Variants in ADGB observed in about 807,000 individuals in gnomAD.
ADGB encodes the protein androglobin, also known as calpain-7-like protein.
ADGB carries 172 observed loss-of-function variants against 210.5 expected under a neutral mutation model. That is an observed-to-expected ratio of 0.82 (90% CI 0.72 to 0.93). ADGB has a LOEUF of 0.93. Ranked by LOEUF, ADGB falls within the 40% of genes least tolerant of loss-of-function variation. The pLI is 0.00. For synonymous variants in ADGB, 658 were observed against 662.7 expected (o/e 0.99, Z 0.11); for missense variants, 2,025 against 1,964.8 (o/e 1.03, Z -0.58).
chr6:146,676,173 G>A, intron 8 of ADGB, 140 bp from the exon 9 acceptor site: 2 of 739,256 alleles, frequency 2.7e-6, no homozygotes, highest in South Asian at 3.0e-5. Flanking sequence ...AGGGGATCAT[G>A]TTTTGGAGAA....
chr6:146,614,214 T>C (rs1780755257), intron 1 of ADGB, among the ~76,000 whole-genome samples: 1 of 31,214 alleles, frequency 3.2e-5, no homozygotes, highest in African/African-American at 7.8e-5. Flanking sequence ...CCTCCCTTCC[T>C]TCCTCCCTTC....
chr6:146,653,364 G>A (rs112704745), intron 3 of ADGB, among the ~76,000 whole-genome samples: 2,174 of 152,152 alleles, frequency 0.014, 45 homozygotes, highest in African/African-American at 0.048. Context: ...TCCTTGGTTC[G>A]TGGAAAAATT....
At chr6:146,811,351 G>A (rs1778299685) in intron 35 of ADGB, among the ~76,000 whole-genome samples, 1 of 151,958 alleles carries the variant, frequency 6.6e-6, no homozygotes, top group Admixed American at 6.6e-5. Context: ...TTTAATTGCT[G>A]TGTAACATTC....
At chr6:146,750,599 GA>G (rs1777306271) in intron 26 of ADGB, among the ~76,000 whole-genome samples, 1 of 152,044 alleles carries the variant, frequency 6.6e-6, no homozygotes, top group Non-Finnish European at 1.5e-5. Context: ...ATATATGAGA[GA>G]CATGATACTC....
Position 146,740,842 on chromosome 6 carries a change from TA to T in ADGB, c.3023+251del, listed in dbSNP as rs551045718. On this transcript the variant is annotated intron_variant, in intron 24 of 35. Coordinates refer to ENST00000397944, the MANE Select transcript of ADGB (RefSeq NM_024694.4). ...TCATGATAAAAATACTATAACAAAT[TA>T]ATATGCTTTTAGTATAGAAAAAGAT... 1.1e-4 allele frequency among the ~76,000 whole-genome samples: 17 copies of T among 152,250 alleles called. No homozygotes were observed. In the South Asian group the frequency reaches 3.5e-3, roughly 32 times the overall value.
chr6:146,644,801 T>C lies in ADGB; in HGVS notation c.266T>C (p.Ile89Thr), dbSNP rs1165603824. Residue 89 changes from isoleucine to threonine, a missense_variant, in exon 3 of 36, where the codon ATT (isoleucine) becomes ACT (threonine). Transcript: ENST00000397944. ...FHFFEDPEGK[I>T]ELPPSLKIYS... ...TTTTTTGAGGACCCTGAAGGAAAGA[T>C]TGAGTTACCACCATCCTTGAAAATT... 6.7e-7 allele frequency: 1 copy of C among 1,488,562 alleles called. No individual in the cohort carries two copies. Among genetic ancestry groups the C allele is most frequent in the Non-Finnish European group, 8.9e-7 (1 of 1,118,158 alleles). The allele number at this position is 1,488,562 out of a possible 1,614,324, so 92.2% of individuals were successfully genotyped here.
At chr6:146,761,406 T>C (rs1240365589) in intron 27 of ADGB, among the ~76,000 whole-genome samples, 1 of 152,074 alleles carries the variant, frequency 6.6e-6, no homozygotes, top group African/African-American at 2.4e-5. Flanking sequence ...ACCATGTGTG[T>C]ATAGGTCTAC....
intron 35 of ADGB, among the ~76,000 whole-genome samples, chr6:146,813,211 T>C (rs1193371299): frequency 1.3e-5 from 2 of 152,218 alleles, no homozygotes; most frequent in Non-Finnish European, 2.9e-5. Flanking sequence ...TCCGTGACCC[T>C]TTGGTCTCAA....
intron 8 of ADGB, among the ~76,000 whole-genome samples, chr6:146,674,552 G>T (rs553462192): frequency 1.3e-5 from 2 of 152,198 alleles, no homozygotes; most frequent in South Asian, 4.2e-4. Flanking sequence ...TGGGTAAACG[G>T]GTTTGGTAGG....
chr6:146,746,174 T>C, intron 26 of ADGB, 65 bp downstream of exon 26: 1 of 1,187,738 alleles, frequency 8.4e-7, no homozygotes, highest in South Asian at 1.7e-5. Flanking sequence ...AGGATAAAAA[T>C]AAATTCTGCA....
intron 27 of ADGB, among the ~76,000 whole-genome samples, chr6:146,760,099 T>C (rs1777463813): frequency 6.6e-6 from 1 of 151,872 alleles, no homozygotes; most frequent in African/African-American, 2.4e-5. Context: ...GACAGGGCCT[T>C]TGTGTTATAC....
chr6:146,627,051 A>C (rs923305879), intron 1 of ADGB, among the ~76,000 whole-genome samples: 1 of 151,684 alleles, frequency 6.6e-6, no homozygotes, highest in Non-Finnish European at 1.5e-5. Context: ...CTCTCATTTT[A>C]GTTTTTATTT....
At chr6:146,806,957 GT>G (rs1304579042) in intron 35 of ADGB, among the ~76,000 whole-genome samples, 1 of 152,190 alleles carries the variant, frequency 6.6e-6, no homozygotes, top group Admixed American at 6.5e-5. Context: ...CAAGAGCAAA[GT>G]AACCAACGGA....
rs903972503 is a variant in ADGB at position 146,791,211 on chromosome 6, T to C, written c.4537+2601T>C. Among the ~76,000 whole-genome samples the C allele has an allele frequency of 2.6e-5, 4 of 152,188 alleles. No homozygotes were observed. In the East Asian group the frequency reaches 7.7e-4, roughly 29 times the overall value. On this transcript the variant is annotated intron_variant, in intron 33 of 35. Coordinates refer to ENST00000397944, the MANE Select transcript of ADGB (RefSeq NM_024694.4). Reference sequence around the variant, plus strand: ...AGTTTGGTACAGTCCCACTTGTCTATTTTTACTTTTGTTTCTGTGCTCTTA... The same window carrying C: ...AGTTTGGTACAGTCCCACTTGTCTACTTTTACTTTTGTTTCTGTGCTCTTA...
intron 1 of ADGB, among the ~76,000 whole-genome samples, chr6:146,617,913 CT>C (rs1458023180): frequency 6.6e-6 from 1 of 151,946 alleles, no homozygotes; most frequent in Non-Finnish European, 1.5e-5. Context: ...TTGTGTATAA[CT>C]TTTGAATCCC....
intron 27 of ADGB, among the ~76,000 whole-genome samples, chr6:146,761,898 T>C (rs1241569633): frequency 6.6e-6 from 1 of 152,054 alleles, no homozygotes; most frequent in Non-Finnish European, 1.5e-5. Context: ...TCTTCTAGTT[T>C]TTGGTGGATC....
chr6:146,807,895 C>T (rs1778236389), intron 35 of ADGB: 1 of 166,860 alleles, frequency 6.0e-6, no homozygotes, highest in South Asian at 2.0e-4. Context: ...ACAGGATTAT[C>T]TTTGAAAATT....
At position 146,788,303 on chromosome 6, in the gene ADGB, G is replaced by A. The variant is rs1044234254; in HGVS notation, c.4316-86G>A. On this transcript the variant is annotated intron_variant, in intron 32 of 35. Coordinates refer to ENST00000397944, the MANE Select transcript of ADGB (RefSeq NM_024694.4). ...CTTTTGAGTCATCTGCTCTAAATCTGTGCTCCCATCATCAAGCCCTGTTAC... is the reference window on the plus strand; with the variant it reads ...CTTTTGAGTCATCTGCTCTAAATCTATGCTCCCATCATCAAGCCCTGTTAC... 5.8e-6 allele frequency: 7 copies of A among 1,204,958 alleles called. No individual in the cohort carries two copies. In the African/African-American group the frequency reaches 1.1e-4, roughly 18 times the overall value. 74.6% of individuals were successfully genotyped at this position (1,204,958 alleles called of 1,614,324 possible).
intron 26 of ADGB, among the ~76,000 whole-genome samples, chr6:146,752,006 T>G (rs116481698): frequency 0.011 from 1,677 of 152,282 alleles, 24 homozygotes; most frequent in African/African-American, 0.035. Context: ...TACTTTTAGG[T>G]TATCATATCA....
Sources: allele counts gnomAD v4.1 joint callset (sites outside exome capture counted in the v4.1 genomes callset), GRCh38; gene constraint gnomAD v4.1.1; transcripts MANE v1.5; gene names NCBI Gene and HGNC (gene_info 2026-07-23, HGNC 2026-07-21).